Variants in WDR75 observed in about 807,000 individuals in gnomAD.
WDR75 encodes WD repeat-containing protein 75.
Under a neutral mutation model 106.1 loss-of-function variants are expected in WDR75, and 52 were observed. That is an observed-to-expected ratio of 0.49 (90% CI 0.39 to 0.62). WDR75 has a LOEUF of 0.62. Ranked by LOEUF, WDR75 falls within the 20% of genes least tolerant of loss-of-function variation. The probability of loss-of-function intolerance (pLI) is 0.00; values close to 1 mark genes in which losing one functional copy is unlikely to be tolerated. For missense variants in WDR75, 905 were observed against 970.3 expected (o/e 0.93, Z 0.89); for synonymous variants, 333 against 335.5 (o/e 0.99, Z 0.08).
At chr2:189,453,308 C>T (rs1162210187) in intron 4 of WDR75, among the ~76,000 whole-genome samples, 1 of 152,162 alleles carries the variant, frequency 6.6e-6, no homozygotes, top group Non-Finnish European at 1.5e-5. Flanking sequence ...TTGGGATGTA[C>T]TTTAGGAATC....
intron 1 of WDR75, among the ~76,000 whole-genome samples, chr2:189,441,991 A>C (rs1686380535): frequency 6.6e-6 from 1 of 152,212 alleles, no homozygotes; most frequent in Non-Finnish European, 1.5e-5. Context: ...CCTGAAGCAT[A>C]GTGCATGAAG....
At chr2:189,457,924 CTT>C (rs11395971) in intron 6 of WDR75, among the ~76,000 whole-genome samples, 6,600 of 116,178 alleles carry the variant, frequency 0.057, 150 homozygotes, top group African/African-American at 0.11. Flanking sequence ...GCCAAGATTG[CTT>C]TTTTTTTTTT....
intron 18 of WDR75, among the ~76,000 whole-genome samples, chr2:189,471,508 G>A (rs1687120664): frequency 6.6e-6 from 1 of 152,192 alleles, no homozygotes; most frequent in Non-Finnish European, 1.5e-5. Flanking sequence ...TTTCTGTGGA[G>A]TTAATGATTG....
rs200602773 is a variant in WDR75, at chr2:189,458,737, T to G, written c.570-16T>G. The G allele has an allele frequency of 1.0e-5, 16 of 1,524,792 alleles. No individual in the cohort carries two copies. The highest frequency in any genetic ancestry group is 2.4e-5 in the East Asian group (1 of 41,352). The allele number at this position is 1,524,792 out of a possible 1,614,324, so 94.5% of individuals were successfully genotyped here. A position where few individuals can be genotyped will look rare whatever the true frequency, so the allele number is the denominator to read the frequency against. On this transcript the variant is annotated splice_polypyrimidine_tract_variant and intron_variant, in intron 6 of 20. Transcript: ENST00000314761. Reference sequence around the variant, plus strand: ...GACTTTAATAATTAAGGGAATTTGTTTTTTTTTTCTCCTAGGTTTACTTTA... The same window carrying G: ...GACTTTAATAATTAAGGGAATTTGTGTTTTTTTTCTCCTAGGTTTACTTTA...
intron 9 of WDR75, among the ~76,000 whole-genome samples, chr2:189,463,122 T>C (rs1300256943): frequency 5.9e-5 from 9 of 152,226 alleles, no homozygotes; most frequent in Admixed American, 5.9e-4. Flanking sequence ...TAGACTAGGA[T>C]ATCTTTGTAA....
chr2:189,461,329 A>C (rs1005427414), intron 8 of WDR75, among the ~76,000 whole-genome samples: 1 of 152,208 alleles, frequency 6.6e-6, no homozygotes, highest in Admixed American at 6.5e-5. Context: ...CATTAGATTT[A>C]ATTGGCCACA....
At chr2:189,470,646 G>T (rs959721805) in intron 17 of WDR75, among the ~76,000 whole-genome samples, 173 bp from the exon 18 acceptor site, 6 of 150,546 alleles carry the variant, frequency 4.0e-5, no homozygotes, top group Non-Finnish European at 7.4e-5. Flanking sequence ...ACATAATCTT[G>T]TAACTCTCAT....
At chr2:189,458,362 A>C (rs564776250) in intron 6 of WDR75, among the ~76,000 whole-genome samples, 129 of 152,312 alleles carry the variant, frequency 8.5e-4, no homozygotes, top group Admixed American at 4.3e-3. Context: ...TTTCAGATGC[A>C]TTAGCCATTT....
Position 189,459,399 on chromosome 2 carries a change from T to C in WDR75, c.753T>C (p.Val251=), listed in dbSNP as rs543108679. The C allele has an allele frequency of 6.2e-7, 1 of 1,612,622 alleles. No individual in the cohort carries two copies. The highest frequency in any genetic ancestry group is 2.2e-5 in the East Asian group (1 of 44,764). Residue 251 remains valine (V), a synonymous_variant, in exon 8 of 21, where the codon GTT becomes GTC. Transcript: ENST00000314761. ...GTTTACATTGGCACCATGATATGGT[T>C]ATGGATTTGGCTTTTTCAGTGACAG... ...YTCLHWHHDM[V]MDLAFSVTGT... is the part of the protein sequence containing the mutation.
intron 3 of WDR75, among the ~76,000 whole-genome samples, chr2:189,451,447 C>T (rs1686619664): frequency 6.6e-6 from 1 of 152,060 alleles, no homozygotes; most frequent in African/African-American, 2.4e-5. Context: ...CTTTTTTACC[C>T]AATGAGAGTT....
chr2:189,468,484 C>G lies in WDR75; in HGVS notation c.1638C>G (p.Cys546Trp). The G allele has an allele frequency of 6.2e-7, 1 of 1,613,226 alleles. No individual in the cohort carries two copies. Among genetic ancestry groups the G allele is most frequent in the Non-Finnish European group, 8.5e-7 (1 of 1,179,390 alleles). The change falls in exon 15 of 21, where the codon TGC (cysteine) becomes TGG (tryptophan). Residue 546 changes from cysteine (C) to tryptophan (W), a missense_variant. Coordinates refer to ENST00000314761, the MANE Select transcript of WDR75 (RefSeq NM_032168.3). ...CQRAGKIRHL[C>W]FGRLTCSKYL... ...TGTGGTTTTAATCTAGGCACCTTTG[C>G]TTTGGGAGATTGACGTGTTCAAAGT...
chr2:189,467,876 A>G (rs1687034634), intron 14 of WDR75, among the ~76,000 whole-genome samples: 1 of 152,194 alleles, frequency 6.6e-6, no homozygotes, highest in African/African-American at 2.4e-5. Context: ...TTTCTTTGGA[A>G]TACTTTCATG....
At chr2:189,453,222 G>C (rs1187071658) in intron 4 of WDR75, among the ~76,000 whole-genome samples, 2 of 152,154 alleles carry the variant, frequency 1.3e-5, no homozygotes, top group Admixed American at 6.5e-5. Context: ...TGAATACGTG[G>C]ATTTCTGATA....
At chr2:189,449,429 G>T (rs909797468) in intron 2 of WDR75, 2 of 1,219,846 alleles carry the variant, frequency 1.6e-6, no homozygotes, top group South Asian at 2.9e-5. Context: ...GTCCTCTGAG[G>T]GTTTGACAAA....
rs1686979434 is a variant in WDR75, at chr2:189,465,348, AC to A, written c.1289+95del. The A allele has an allele frequency of 2.2e-6, 3 of 1,341,226 alleles. No homozygotes were observed. In the Admixed American group the frequency reaches 7.7e-5, roughly 34 times the overall value. The allele number at this position is 1,341,226 out of a possible 1,614,324, so 83.1% of individuals were successfully genotyped here. On this transcript the variant is annotated intron_variant, in intron 12 of 20. Transcript: ENST00000314761. ...ATTGTCTTTAAGATGTTTCATCTTG[AC>A]AAGGTTTAGATTTAGAGATATGGGA... is the stretch of plus-strand genomic sequence containing the variant.
intron 9 of WDR75, 103 bp downstream of exon 9, chr2:189,462,745 A>G (rs1686922796): frequency 2.9e-6 from 3 of 1,039,256 alleles, no homozygotes; most frequent in East Asian, 5.1e-5. Flanking sequence ...AGAGTAGCGT[A>G]TGAGATTTAA....
At chr2:189,459,520 T>C (rs1055001013) in intron 8 of WDR75, 96 bp downstream of exon 8, 1 of 1,145,618 alleles carries the variant, frequency 8.7e-7, no homozygotes, top group South Asian at 1.3e-5. Flanking sequence ...TAAAACTGCA[T>C]GAGCCAAATG....
At position 189,474,218 on chromosome 2, in the gene WDR75, A is replaced by G. The variant is rs747365775; in HGVS notation, c.2082A>G (p.Pro694=). The G allele has an allele frequency of 6.2e-6, 10 of 1,613,320 alleles. No homozygotes were observed. Among genetic ancestry groups the G allele is most frequent in the African/African-American group, 1.3e-5 (1 of 75,026 alleles). Residue 694 remains proline, a synonymous_variant, in exon 19 of 21, where the codon CCA becomes CCG. Transcript: ENST00000314761. ...LLAEESLPTT[P]FYFILGKHRQ... ...CAGAAGAAAGTCTTCCCACAACCCC[A>G]TTTTATTTCATATTGGGAAAACACA...
intron 1 of WDR75, among the ~76,000 whole-genome samples, chr2:189,442,625 T>C (rs1686405625): frequency 2.0e-5 from 3 of 151,952 alleles, no homozygotes; most frequent in Admixed American, 6.6e-5. Flanking sequence ...AATTTTTGTA[T>C]TTTTAGTAGA....
Sources: gnomAD v4.1 joint callset for allele counts (sites outside exome capture counted in the v4.1 genomes callset) on GRCh38, gnomAD v4.1.1 for gene constraint, MANE v1.5 for transcripts, NCBI Gene and HGNC (gene_info 2026-07-23, HGNC 2026-07-21) for gene names.